SNTG1: variants seen among roughly 807,000 people sequenced by gnomAD.
The protein encoded by SNTG1 is gamma-1-syntrophin.
A neutral mutation model predicts 74.7 loss-of-function variants in SNTG1; 39 were observed. The observed-to-expected ratio is 0.52, with a 90% confidence interval of 0.40 to 0.68. The LOEUF (loss-of-function observed/expected upper bound fraction) is 0.68. SNTG1 is among the 30% of genes least tolerant of loss of function. The pLI, the probability that SNTG1 is intolerant of heterozygous loss-of-function variation, is 0.00. For missense variants in SNTG1, 685 were observed against 609.5 expected (o/e 1.12, Z -1.30); for synonymous variants, 254 against 217.1 (o/e 1.17, Z -1.49).
chr8:50,660,083 G>T (rs543307144), intron 15 of SNTG1, among the ~76,000 whole-genome samples: 90 of 152,068 alleles, frequency 5.9e-4, no homozygotes, highest in African/African-American at 2.1e-3. Flanking sequence ...CAGGCAATCT[G>T]CCTACCTCCG....
At chr8:50,045,593 G>A (rs1819015303) in intron 1 of SNTG1, among the ~76,000 whole-genome samples, 1 of 152,052 alleles carries the variant, frequency 6.6e-6, no homozygotes, top group Non-Finnish European at 1.5e-5. Flanking sequence ...CTTCTTTTGG[G>A]GAGGGGGTCC....
At chr8:50,422,253 T>TATC (rs2093098464) in intron 4 of SNTG1, among the ~76,000 whole-genome samples, 1 of 3,270 alleles carries the variant, frequency 3.1e-4, no homozygotes, top group African/African-American at 3.3e-4. Context: ...TCTATCTATC[T>TATC]ATCTATCTAT....
At chr8:50,119,107 C>A (rs968216807) in intron 1 of SNTG1, among the ~76,000 whole-genome samples, 1 of 141,430 alleles carries the variant, frequency 7.1e-6, no homozygotes, top group African/African-American at 2.6e-5. Context: ...AACAAAACAC[C>A]TCTGGAAGTA....
At chr8:50,652,624 C>T (rs1275945753) in intron 13 of SNTG1, among the ~76,000 whole-genome samples, 1 of 152,026 alleles carries the variant, frequency 6.6e-6, no homozygotes, top group Non-Finnish European at 1.5e-5. Context: ...TGGTGAAAAC[C>T]CGCCTCTAGT....
At chr8:50,501,412 G>C (rs1225358925) in intron 8 of SNTG1, among the ~76,000 whole-genome samples, 1 of 138,296 alleles carries the variant, frequency 7.2e-6, no homozygotes, top group East Asian at 2.3e-4. Context: ...AGCAGAGAGA[G>C]ATGAGCCTGT....
At position 49,939,455 on chromosome 8, in the gene SNTG1, CTTTG is replaced by C. The variant is rs531381280; in HGVS notation, c.-103+27231_-103+27234del. On this transcript the variant is annotated intron_variant, in intron 1 of 18. Coordinates refer to ENST00000642720, the MANE Select transcript of SNTG1 (RefSeq NM_018967.5). The stretch of plus-strand genomic sequence containing the variant: ...ACTTAATAAAAAGCAATGTACTACA[CTTTG>C]TTTGTTGTTGTTGTTGGTTTTTTCT... 2.1e-3 allele frequency among the ~76,000 whole-genome samples: 324 copies of C among 152,300 alleles called. 1 individual carries two copies. Among genetic ancestry groups the C allele is most frequent in the African/African-American group, 7.4e-3 (307 of 41,558 alleles).
At chr8:50,351,779 G>A (rs1346658262) in intron 2 of SNTG1, among the ~76,000 whole-genome samples, 1 of 152,150 alleles carries the variant, frequency 6.6e-6, no homozygotes, top group African/African-American at 2.4e-5. Flanking sequence ...AATAAATTCT[G>A]GAGTAATTGG....
intron 12 of SNTG1, among the ~76,000 whole-genome samples, 161 bp downstream of exon 12, chr8:50,553,340 G>A (rs113074847): frequency 1.6e-3 from 239 of 152,170 alleles, no homozygotes; most frequent in African/African-American, 5.3e-3. Flanking sequence ...TGAGAGTTCT[G>A]GCCCAATTTA....
chr8:50,442,058 G>T (rs1190595921), intron 5 of SNTG1, among the ~76,000 whole-genome samples: 2 of 152,204 alleles, frequency 1.3e-5, no homozygotes, highest in East Asian at 3.9e-4. Context: ...GCTGCACATG[G>T]AAAAGCAGAT....
chr8:50,709,545 C>T (rs1189587996), intron 17 of SNTG1, among the ~76,000 whole-genome samples: 1 of 152,034 alleles, frequency 6.6e-6, no homozygotes, highest in East Asian at 1.9e-4. Flanking sequence ...GAGTGATGCA[C>T]ATTGAATGAC....
intron 1 of SNTG1, among the ~76,000 whole-genome samples, chr8:49,916,032 C>A (rs1450313931): frequency 1.3e-5 from 2 of 152,088 alleles, no homozygotes; most frequent in South Asian, 2.1e-4. Context: ...TAGACTATCA[C>A]TAAAAATATA....
chr8:50,741,403 C>T (rs974929671), intron 17 of SNTG1, among the ~76,000 whole-genome samples: 5 of 151,908 alleles, frequency 3.3e-5, no homozygotes, highest in South Asian at 2.1e-4. Flanking sequence ...ATTACAGGCA[C>T]GAGCCACTGC....
rs902251813 is a variant in SNTG1, at chr8:50,332,748, A to G, written c.-27-61464A>G. On this transcript the variant is annotated intron_variant, in intron 2 of 18. Transcript: ENST00000642720. ...GCAATTAATCTCCTTAGCCGTTAGA[A>G]TAGATTATACACCAGTCCTTGGAGT... Among the ~76,000 whole-genome samples the G allele has an allele frequency of 2.0e-5, 3 of 152,190 alleles. No individual in the cohort carries two copies. The East Asian group carries it at 5.8e-4, about 29-fold the overall frequency.
chr8:50,233,118 A>G (rs1203464987), intron 2 of SNTG1, among the ~76,000 whole-genome samples: 5 of 151,634 alleles, frequency 3.3e-5, no homozygotes, highest in African/African-American at 1.2e-4. Flanking sequence ...CAATTTTGAA[A>G]AGAAAGAATA....
intron 1 of SNTG1, among the ~76,000 whole-genome samples, chr8:49,938,576 TC>T (rs1246395450): frequency 2.6e-4 from 9 of 34,864 alleles, no homozygotes; most frequent in South Asian, 1.9e-3. Flanking sequence ...TCTTTTCTTT[TC>T]TTTTCTTTTC....
At chr8:50,037,084 C>A (rs1818230421) in intron 1 of SNTG1, among the ~76,000 whole-genome samples, 1 of 152,198 alleles carries the variant, frequency 6.6e-6, no homozygotes, top group Admixed American at 6.5e-5. Flanking sequence ...GTCCTTCCTC[C>A]CTTCCTAATT....
rs533683636 is a variant in SNTG1 at position 49,977,984 on chromosome 8, G to A, written c.-103+65753G>A. 3.3e-5 allele frequency among the ~76,000 whole-genome samples: 5 copies of A among 152,244 alleles called. No homozygotes were observed. In the South Asian group the frequency reaches 1.0e-3, roughly 32 times the overall value. ...CTCAGTTTTCATATCTTCATAAGGG[G>A]AAATAATAATAATACAGATGCCTGG... is the stretch of plus-strand genomic sequence containing the variant. On this transcript the variant is annotated intron_variant, in intron 1 of 18. Coordinates refer to ENST00000642720, the MANE Select transcript of SNTG1 (RefSeq NM_018967.5).
chr8:50,629,337 C>T (rs537128449), intron 13 of SNTG1, among the ~76,000 whole-genome samples: 97 of 152,078 alleles, frequency 6.4e-4, no homozygotes, highest in Non-Finnish European at 1.1e-3. Flanking sequence ...TTCTGTTCGT[C>T]ATCTCCTTTA....
chr8:50,261,022 T>C (rs530876389), intron 2 of SNTG1, among the ~76,000 whole-genome samples: 40 of 152,250 alleles, frequency 2.6e-4, no homozygotes, highest in African/African-American at 8.9e-4. Flanking sequence ...CAAGATTAAT[T>C]TCACAGAGCA....
Sources: gnomAD v4.1 joint callset for allele counts (sites outside exome capture counted in the v4.1 genomes callset) on GRCh38, gnomAD v4.1.1 for gene constraint, MANE v1.5 for transcripts, NCBI Gene and HGNC (gene_info 2026-07-23, HGNC 2026-07-21) for gene names.